Variants in SRPK1 observed in about 807,000 individuals in gnomAD.
SRPK1 encodes SFRS protein kinase 1.
In SRPK1, 52 loss-of-function variants were observed where a neutral mutation model predicts 89.5. That is an observed-to-expected ratio of 0.58 (90% CI 0.46 to 0.73). SRPK1 has a LOEUF of 0.73. Ranked by LOEUF, SRPK1 falls within the 30% of genes least tolerant of loss-of-function variation. The probability of loss-of-function intolerance (pLI) is 0.00; values close to 1 mark genes in which losing one functional copy is unlikely to be tolerated. For synonymous variants in SRPK1, 255 were observed against 270.2 expected (o/e 0.94, Z 0.55); for missense variants, 603 against 780.6 (o/e 0.77, Z 2.71).
chr6:35,891,830 C>T (rs1770524907), intron 2 of SRPK1, among the ~76,000 whole-genome samples: 1 of 151,786 alleles, frequency 6.6e-6, no homozygotes, highest in African/African-American at 2.4e-5. Context: ...TTTTTCACTA[C>T]TAAAAATATA....
intron 2 of SRPK1, among the ~76,000 whole-genome samples, chr6:35,892,524 C>A (rs2127258911): frequency 6.6e-6 from 1 of 152,130 alleles, no homozygotes; most frequent in East Asian, 1.9e-4. Flanking sequence ...TGGTGGCAGG[C>A]ACCTGTAATC....
chr6:35,893,149 T>C lies in SRPK1; in HGVS notation c.75-2136A>G, dbSNP rs1181417156. Among the ~76,000 whole-genome samples, 3 of 152,208 alleles carry C rather than the reference T, an allele frequency of 2.0e-5. No individual in the cohort carries two copies. In the East Asian group the frequency reaches 5.8e-4, roughly 29 times the overall value. ...AACATTCTCCAATTTGAGATTAAGA[T>C]GGAATTCTGAAACAGATTCTCTGAT... On this transcript the variant is annotated intron_variant, in intron 2 of 15. Transcript: ENST00000373825.
In SRPK1 at chr6:35,913,484, A is replaced by AC. The variant is rs1405078303; in HGVS notation, c.74+6983dup. 3.1e-4 allele frequency among the ~76,000 whole-genome samples: 47 copies of AC among 151,720 alleles called. 1 individual carries two copies. The highest frequency in any genetic ancestry group is 3.1e-3 in the Admixed American group (47 of 15,204). On this transcript the variant is annotated intron_variant, in intron 2 of 15. Transcript: ENST00000373825. ...ACTCCCACCTGGGCAACAGAACAAG[A>AC]CCCCGTCTCAAAAAAAAGTAAAAAG...
At chr6:35,846,536 A>C in intron 13 of SRPK1, among the ~76,000 whole-genome samples, 1 of 149,764 alleles carries the variant, frequency 6.7e-6, no homozygotes, top group Non-Finnish European at 1.5e-5. Context: ...GTCCTGCATG[A>C]CAGAGTGAGA....
intron 14 of SRPK1, among the ~76,000 whole-genome samples, chr6:35,839,990 A>G (rs1354684390): frequency 6.6e-6 from 1 of 151,726 alleles, no homozygotes; most frequent in Non-Finnish European, 1.5e-5. Context: ...TATTTTTTGT[A>G]GAGATGGGGT....
chr6:35,907,003 T>C (rs1307763031), intron 2 of SRPK1, among the ~76,000 whole-genome samples: 1 of 152,098 alleles, frequency 6.6e-6, no homozygotes, highest in Non-Finnish European at 1.5e-5. Flanking sequence ...AATTAATAAA[T>C]TAAGAAATAG....
At chr6:35,916,108 C>T (rs771227388) in intron 2 of SRPK1, among the ~76,000 whole-genome samples, 31 of 143,692 alleles carry the variant, frequency 2.2e-4, no homozygotes, top group Non-Finnish European at 4.2e-4. Flanking sequence ...CCTGTAATCC[C>T]AGCTACTCGA....
Position 35,900,924 on chromosome 6 carries a change from G to A in SRPK1, c.75-9911C>T, listed in dbSNP as rs142252821. On this transcript the variant is annotated intron_variant, in intron 2 of 15. Coordinates refer to ENST00000373825, the MANE Select transcript of SRPK1 (RefSeq NM_003137.5). ...AGTCCCAGCTACTCAGGAGGCTGAGGTGGAAGATCACTTAAGCCCAGGAGT... is the reference window on the plus strand; with the variant it reads ...AGTCCCAGCTACTCAGGAGGCTGAGATGGAAGATCACTTAAGCCCAGGAGT... Among the ~76,000 whole-genome samples the A allele has an allele frequency of 1.8e-3, 270 of 152,286 alleles. 1 individual carries two copies. The highest frequency in any genetic ancestry group is 5.8e-3 in the African/African-American group (243 of 41,562).
intron 13 of SRPK1, 31 bp from the exon 14 acceptor site, chr6:35,842,635 C>T: frequency 6.5e-7 from 1 of 1,547,840 alleles, no homozygotes; most frequent in Admixed American, 2.0e-5. Flanking sequence ...TATATGAAAG[C>T]ACAAAAGAAA....
At chr6:35,861,734 A>G (rs1769787065) in intron 12 of SRPK1, among the ~76,000 whole-genome samples, 1 of 152,194 alleles carries the variant, frequency 6.6e-6, no homozygotes. Flanking sequence ...CACTTGGCTG[A>G]GGAGGGACAG....
intron 2 of SRPK1, among the ~76,000 whole-genome samples, chr6:35,896,307 G>A (rs1770625882): frequency 6.6e-6 from 1 of 152,188 alleles, no homozygotes; most frequent in African/African-American, 2.4e-5. Context: ...GTGTATGGCA[G>A]GGGAAAAAGT....
intron 14 of SRPK1, among the ~76,000 whole-genome samples, chr6:35,839,845 A>G (rs1248952417): frequency 6.6e-6 from 1 of 151,962 alleles, no homozygotes; most frequent in African/African-American, 2.4e-5. Flanking sequence ...AGGTCCAGCT[A>G]ATTTTTGTAT....
chr6:35,853,666 C>G (rs547011143), intron 13 of SRPK1, among the ~76,000 whole-genome samples: 15 of 152,212 alleles, frequency 9.9e-5, no homozygotes, highest in Non-Finnish European at 1.9e-4. Flanking sequence ...GGGAGTCCTA[C>G]AAATCCTGCC....
chr6:35,920,322 G>A lies in SRPK1; in HGVS notation c.74+146C>T, dbSNP rs2127274171. On this transcript the variant is annotated intron_variant, in intron 2 of 15. Coordinates refer to ENST00000373825, the MANE Select transcript of SRPK1 (RefSeq NM_003137.5). ...AGCAGCTCTCTTCCACATGGTTGCTGGAGAGCGACCCTCCGAGCTGCCCCG... is the reference window on the plus strand; with the variant it reads ...AGCAGCTCTCTTCCACATGGTTGCTAGAGAGCGACCCTCCGAGCTGCCCCG... 2.4e-6 allele frequency: 2 copies of A among 828,418 alleles called. 1 individual carries two copies. The highest frequency in any genetic ancestry group is 5.2e-5 in the East Asian group (2 of 38,130). 51.3% of individuals were successfully genotyped at this position (828,418 alleles called of 1,614,324 possible). A position where few individuals can be genotyped will look rare whatever the true frequency, so the allele number is the denominator to read the frequency against.
At chr6:35,838,240 C>T (rs1206644052) in intron 15 of SRPK1, 97 bp downstream of exon 15, 16 of 822,796 alleles carry the variant, frequency 1.9e-5, no homozygotes, top group African/African-American at 3.6e-5. Context: ...GCATTCAAGG[C>T]AGGCCCATCA....
In SRPK1 at chr6:35,890,931, CATCAG is replaced by C; in HGVS notation, c.152_156del (p.Ser51Ter). Reference sequence around the variant, plus strand: ...TCATTAGGATCTTCTTGCTCATCATCATCAGATCCCAGAATCTCCTCTTCCTGCTC... The same window carrying C: ...TCATTAGGATCTTCTTGCTCATCATCATCCCAGAATCTCCTCTTCCTGCTC... On this transcript the variant is annotated frameshift_variant, in exon 3 of 16. Transcript: ENST00000373825. LOFTEE classifies it high-confidence loss of function. 6.4e-7 allele frequency: 1 copy of C among 1,553,784 alleles called. No homozygotes were observed. Among genetic ancestry groups the C allele is most frequent in the Non-Finnish European group, 8.7e-7 (1 of 1,147,734 alleles).
chr6:35,877,972 C>G (rs1265822156), intron 6 of SRPK1, among the ~76,000 whole-genome samples: 4 of 152,028 alleles, frequency 2.6e-5, no homozygotes, highest in Non-Finnish European at 5.9e-5. Context: ...AATTTGATGG[C>G]ACAGCAACAG....
At chr6:35,873,645 AC>A (rs1251262905) in intron 7 of SRPK1, among the ~76,000 whole-genome samples, 1 of 151,326 alleles carries the variant, frequency 6.6e-6, no homozygotes, top group Non-Finnish European at 1.5e-5. Flanking sequence ...GCTTACCACC[AC>A]ACCCGGCTAA....
intron 12 of SRPK1, among the ~76,000 whole-genome samples, chr6:35,866,500 T>A (rs928401674): frequency 6.6e-6 from 1 of 152,074 alleles, no homozygotes; most frequent in African/African-American, 2.4e-5. Context: ...GCAGGAGAAT[T>A]GCTTGAACCT....
Sources: allele counts gnomAD v4.1 joint callset (sites outside exome capture counted in the v4.1 genomes callset), GRCh38; gene constraint gnomAD v4.1.1; transcripts MANE v1.5; gene names NCBI Gene and HGNC (gene_info 2026-07-23, HGNC 2026-07-21).